Variants in ACAT1 observed in about 807,000 individuals in gnomAD.
The protein encoded by ACAT1 is acetyl-CoA acetyltransferase, mitochondrial.
A neutral mutation model predicts 47.3 loss-of-function variants in ACAT1; 28 were observed. The ratio of observed to expected loss-of-function variants is 0.59; its 90% CI spans 0.44 to 0.81. The LOEUF (loss-of-function observed/expected upper bound fraction) is 0.81, where lower values mean the gene tolerates loss of function less well. Ranked by LOEUF, ACAT1 falls within the 30% of genes least tolerant of loss-of-function variation. The probability of loss-of-function intolerance (pLI) is 0.00; values close to 1 mark genes in which losing one functional copy is unlikely to be tolerated. For synonymous variants in ACAT1, 181 were observed against 173.6 expected (o/e 1.04, Z -0.34); for missense variants, 469 against 524.3 (o/e 0.89, Z 1.03).
intron 6 of ACAT1, 154 bp downstream of exon 6, chr11:108,139,195 G>T (rs1422653592): frequency 3.2e-6 from 3 of 947,926 alleles, no homozygotes; most frequent in Non-Finnish European, 4.9e-6. Flanking sequence ...TATGCCTATT[G>T]CATCGGCATG....
intron 5 of ACAT1, chr11:108,136,170 T>C: frequency 1.7e-6 from 1 of 585,982 alleles, no homozygotes; most frequent in Non-Finnish European, 3.0e-6. Context: ...TCTGAGCCCT[T>C]CATTTTTCAG....
chr11:108,125,602 T>A (rs1347670565), intron 1 of ACAT1, among the ~76,000 whole-genome samples: 1 of 152,052 alleles, frequency 6.6e-6, no homozygotes, highest in Non-Finnish European at 1.5e-5. Flanking sequence ...GTAGTTAGGG[T>A]GGACCACTCT....
In ACAT1 at chr11:108,133,866, T is replaced by TAA; in HGVS notation, c.168_169insAA (p.Gly57LysfsTer31). 6.2e-7 allele frequency: 1 copy of TAA among 1,614,156 alleles called. No individual in the cohort carries two copies. The highest frequency in any genetic ancestry group is 2.2e-5 in the East Asian group (1 of 44,862). ...ACAAGAACACCCATTGGATCTTTTT[T>TAA]AGGCAGCCTTTCCTTGCTGCCAGCC... On this transcript the variant is annotated frameshift_variant, in exon 3 of 12. Transcript: ENST00000265838. LOFTEE classifies it high-confidence loss of function.
upstream of ACAT1, among the ~76,000 whole-genome samples, chr11:108,119,409 G>A (rs533406949): frequency 9.2e-5 from 14 of 152,124 alleles, no homozygotes; most frequent in Middle Eastern, 3.4e-3. Context: ...TTGCTATGTT[G>A]GCCAGGCTGC....
intron 10 of ACAT1, among the ~76,000 whole-genome samples, chr11:108,145,088 A>G (rs1317624715): frequency 1.3e-5 from 2 of 152,162 alleles, no homozygotes; most frequent in African/African-American, 4.8e-5. Context: ...TTCTGTAAAG[A>G]AAAAGGGCAC....
intron 1 of ACAT1, among the ~76,000 whole-genome samples, chr11:108,126,795 T>C (rs958498418): frequency 4.7e-4 from 20 of 42,240 alleles, no homozygotes; most frequent in South Asian, 3.6e-3. Context: ...GGTTTTCTTT[T>C]TTTTTTTTTT....
Position 108,133,933 on chromosome 11 carries a change from G to C in ACAT1, c.234G>C (p.Lys78Asn). The C allele has an allele frequency of 6.2e-7, 1 of 1,613,584 alleles. No individual in the cohort carries two copies. The highest frequency in any genetic ancestry group is 8.5e-7 in the Non-Finnish European group (1 of 1,179,604). Residue 78 changes from lysine (K) to asparagine (N), a missense_variant, in exon 3 of 12, where the codon AAG becomes AAC. Physicochemically the swap from Lys to Asn is moderately conservative, Grantham distance 94. Coordinates refer to ENST00000265838, the MANE Select transcript of ACAT1 (RefSeq NM_000019.4). The stretch of plus-strand genomic sequence containing the variant: ...TTGCAATTCAGGGAGCCATTGAAAA[G>C]GCAGGTCAGTAGTTACTTGGCTTTT... ...GSIAIQGAIE[K>N]AGIPKEEVKE... is the part of the protein sequence containing the mutation.
intron 11 of ACAT1, 86 bp from the exon 12 acceptor site, chr11:108,147,184 T>C: frequency 6.6e-7 from 1 of 1,520,776 alleles, no homozygotes; most frequent in South Asian, 1.2e-5. Flanking sequence ...AGTAAGGTTT[T>C]CAAGAAGTTA....
At chr11:108,137,708 G>A (rs2077493069) in intron 5 of ACAT1, among the ~76,000 whole-genome samples, 1 of 152,170 alleles carries the variant, frequency 6.6e-6, no homozygotes, top group Admixed American at 6.5e-5. Context: ...TTGGGAGGCT[G>A]AGGTGGGCGG....
upstream of ACAT1, among the ~76,000 whole-genome samples, chr11:108,118,115 A>AT (rs1409163366): frequency 1.3e-5 from 2 of 152,152 alleles, no homozygotes; most frequent in African/African-American, 2.4e-5. Context: ...TATGCAAAAA[A>AT]TGTTTTTAAA....
Position 108,139,029 on chromosome 11 carries a change from T to C in ACAT1, c.567T>C (p.Asn189=), listed in dbSNP as rs2077528003. 1 of 1,614,090 alleles carries C rather than the reference T, an allele frequency of 6.2e-7. No homozygotes were observed. The highest frequency in any genetic ancestry group is 1.7e-5 in the Admixed American group (1 of 60,002). The part of the protein sequence containing the change: ...IVKDGLTDVY[N]KIHMGSCAEN... ...AAGACGGGCTAACTGATGTCTACAA[T>C]AAAATTCATATGGTAAATGTGATTT... The change falls in exon 6 of 12, where the codon AAT becomes AAC. Residue 189 remains asparagine, a synonymous_variant. Transcript: ENST00000265838.
At chr11:108,125,064 T>C (rs2077223463) in intron 1 of ACAT1, among the ~76,000 whole-genome samples, 2 of 152,222 alleles carry the variant, frequency 1.3e-5, no homozygotes, top group Non-Finnish European at 2.9e-5. Context: ...TCTTCAAATA[T>C]TTGTTTTGTG....
At chr11:108,121,200 CAAA>C (rs10561331), upstream of ACAT1, 22,947 of 249,200 alleles carry the variant, frequency 0.092, 21 homozygotes, top group South Asian at 0.19. Context: ...GACCTTGTCT[CAAA>C]AAAAAAAAAA....
At chr11:108,123,361 CTTGAA>C (rs2077186101) in intron 1 of ACAT1, among the ~76,000 whole-genome samples, 2 of 152,190 alleles carry the variant, frequency 1.3e-5, no homozygotes, top group African/African-American at 2.4e-5. Flanking sequence ...GTATTGGACA[CTTGAA>C]TTAAATGGTC....
chr11:108,130,618 T>A (rs961150861), intron 1 of ACAT1, among the ~76,000 whole-genome samples: 1 of 152,030 alleles, frequency 6.6e-6, no homozygotes, highest in Non-Finnish European at 1.5e-5. Flanking sequence ...GGTCTTGAAC[T>A]CCTGTCCTCA....
rs777486668 is a variant in ACAT1, at chr11:108,140,222, A to G, written c.730+7A>G. ...GTCACAGTTACAGTAAAAGGTAGAG[A>G]TAATGTTCCAAAAAGGATGAATAGA... On this transcript the variant is annotated splice_region_variant and intron_variant, in intron 7 of 11. Coordinates refer to ENST00000265838, the MANE Select transcript of ACAT1 (RefSeq NM_000019.4). 2 of 1,613,920 alleles carry G rather than the reference A, an allele frequency of 1.2e-6. No homozygotes were observed. Among genetic ancestry groups the G allele is most frequent in the African/African-American group, 1.3e-5 (1 of 74,928 alleles).
At chr11:108,124,314 A>C (rs964574587) in intron 1 of ACAT1, among the ~76,000 whole-genome samples, 3 of 152,072 alleles carry the variant, frequency 2.0e-5, no homozygotes, top group Admixed American at 2.0e-4. Flanking sequence ...CCCAGGCTGG[A>C]GTGCAGTGGC....
At chr11:108,121,445 G>C (rs1203545850), upstream of ACAT1, 2 of 789,248 alleles carry the variant, frequency 2.5e-6, no homozygotes, top group African/African-American at 1.7e-5. Flanking sequence ...CCAGCGCCAG[G>C]CTCCGCCCCG....
intron 7 of ACAT1, among the ~76,000 whole-genome samples, chr11:108,141,137 A>T (rs552198772): frequency 5.3e-5 from 8 of 152,194 alleles, no homozygotes; most frequent in Non-Finnish European, 1.2e-4. Context: ...CCAAGGCAGG[A>T]GGATCAATTG....
Sources: gnomAD v4.1 joint callset for allele counts (sites outside exome capture counted in the v4.1 genomes callset) on GRCh38, gnomAD v4.1.1 for gene constraint, MANE v1.5 for transcripts, NCBI Gene and HGNC (gene_info 2026-07-23, HGNC 2026-07-21) for gene names.